The following DNAJC6 variants were observed in gnomAD, a reference collection of about 807,000 sequenced individuals.
The protein encoded by DNAJC6 is DnaJ heat shock protein family (Hsp40) member C6.
Under a neutral mutation model 110.0 loss-of-function variants are expected in DNAJC6, and 34 were observed. The observed-to-expected ratio is 0.31, with a 90% CI of 0.24 to 0.41. DNAJC6 has a LOEUF of 0.41. Ranked by LOEUF, DNAJC6 falls within the 10% of genes least tolerant of loss-of-function variation. The pLI is 1.00. For missense variants in DNAJC6, 1,031 were observed against 1,207.8 expected (o/e 0.85, Z 2.17); for synonymous variants, 406 against 437.2 (o/e 0.93, Z 0.89).
At chr1:65,312,024 A>G (rs1421675915) in intron 1 of DNAJC6, among the ~76,000 whole-genome samples, 2 of 152,212 alleles carry the variant, frequency 1.3e-5, no homozygotes, top group Non-Finnish European at 2.9e-5. Context: ...TTTTCACTAA[A>G]TCAGACTTTT....
intron 8 of DNAJC6, 117 bp from the exon 9 acceptor site, chr1:65,388,219 A>G: frequency 1.1e-6 from 1 of 878,026 alleles, no homozygotes; most frequent in Non-Finnish European, 1.9e-6. Context: ...TATCCATAGT[A>G]AACACAAATT....
At chr1:65,336,720 A>G (rs1215200692) in intron 1 of DNAJC6, among the ~76,000 whole-genome samples, 1 of 152,114 alleles carries the variant, frequency 6.6e-6, no homozygotes, top group Non-Finnish European at 1.5e-5. Flanking sequence ...TACAGGGGAG[A>G]CTGAGGCTTG....
rs146564543 is a variant in DNAJC6 at position 65,283,969 on chromosome 1, A to G, written c.-131+19037A>G. Among the ~76,000 whole-genome samples, 75 of 152,166 alleles carry G rather than the reference A, an allele frequency of 4.9e-4. No individual in the cohort carries two copies. The East Asian group carries it at 0.014, about 28-fold the overall frequency. Reference sequence around the variant, plus strand: ...GTCTGTGATTTCCATAGGCCTCTATACTTCTGACCTCCTCCTACCTCCATG... The same window carrying G: ...GTCTGTGATTTCCATAGGCCTCTATGCTTCTGACCTCCTCCTACCTCCATG... On this transcript the variant is annotated intron_variant, in intron 1 of 19. Coordinates refer to the DNAJC6 transcript ENST00000263441.
intron 1 of DNAJC6, among the ~76,000 whole-genome samples, chr1:65,353,067 C>T (rs528420808): frequency 6.6e-6 from 1 of 152,232 alleles, no homozygotes; most frequent in Admixed American, 6.5e-5. Flanking sequence ...CTATCATAGA[C>T]AAGGTCAGAT....
intron 18 of DNAJC6, 51 bp from the exon 19 acceptor site, chr1:65,412,873 A>G (rs1646141201): frequency 7.0e-7 from 1 of 1,435,484 alleles, no homozygotes; most frequent in Admixed American, 2.0e-5. Context: ...ATTTAATATT[A>G]ATGAAATTTT....
At chr1:65,408,544 T>C in intron 16 of DNAJC6, 97 bp from the exon 17 acceptor site, 1 of 1,428,444 alleles carries the variant, frequency 7.0e-7, no homozygotes. Context: ...TGAATGCATA[T>C]TAAAAACACC....
chr1:65,381,044 G>A (rs915786948), intron 5 of DNAJC6, among the ~76,000 whole-genome samples: 10 of 146,102 alleles, frequency 6.8e-5, no homozygotes, highest in East Asian at 6.7e-4. Flanking sequence ...TCAGCCTCCC[G>A]AGTAGCTGGG....
At chr1:65,282,873 A>G (rs761965185) in intron 1 of DNAJC6, among the ~76,000 whole-genome samples, 1 of 152,210 alleles carries the variant, frequency 6.6e-6, no homozygotes, top group Non-Finnish European at 1.5e-5. Flanking sequence ...TCTTGTCACA[A>G]TTATACCTCC....
chr1:65,396,113 A>G (rs1645974399), intron 13 of DNAJC6, among the ~76,000 whole-genome samples: 1 of 152,190 alleles, frequency 6.6e-6, no homozygotes. Flanking sequence ...GATTCCAGGA[A>G]CAACTTTTGT....
intron 1 of DNAJC6, among the ~76,000 whole-genome samples, chr1:65,358,459 T>C (rs1345316417): frequency 6.6e-6 from 1 of 152,174 alleles, no homozygotes; most frequent in East Asian, 1.9e-4. Flanking sequence ...GCAATGGTAT[T>C]GCCTTCATAG....
intron 2 of DNAJC6, among the ~76,000 whole-genome samples, chr1:65,365,123 T>A (rs1645633808): frequency 1.3e-5 from 2 of 152,172 alleles, no homozygotes; most frequent in African/African-American, 2.4e-5. Flanking sequence ...TTTTATACCC[T>A]GACAGGATTT....
intron 7 of DNAJC6, among the ~76,000 whole-genome samples, 158 bp downstream of exon 7, chr1:65,386,064 A>G (rs1297777182): frequency 6.6e-6 from 1 of 152,246 alleles, no homozygotes; most frequent in East Asian, 1.9e-4. Flanking sequence ...AGAAAAGTAC[A>G]AGTAAATCAG....
In DNAJC6 at chr1:65,381,373, C is replaced by A. The variant is rs558112240; in HGVS notation, c.666+1849C>A. On this transcript the variant is annotated intron_variant, in intron 5 of 18. Coordinates refer to ENST00000371069, the MANE Select transcript of DNAJC6 (RefSeq NM_001256864.2). ...GACCAGCCTGGCCAACATGGTGAAACCCCATCTCTACCAAAAATGTAAAAA... is the reference window on the plus strand; with the variant it reads ...GACCAGCCTGGCCAACATGGTGAAAACCCATCTCTACCAAAAATGTAAAAA... Among the ~76,000 whole-genome samples, 369 of 151,942 alleles carry A rather than the reference C, an allele frequency of 2.4e-3. 5 individuals carry two copies. In the South Asian group the frequency reaches 0.032, roughly 13 times the overall value.
At chr1:65,327,980 G>A (rs577992689) in intron 1 of DNAJC6, among the ~76,000 whole-genome samples, 2 of 152,258 alleles carry the variant, frequency 1.3e-5, no homozygotes, top group African/African-American at 2.4e-5. Flanking sequence ...CTCTCAAAGT[G>A]TTGGGATTAG....
intron 7 of DNAJC6, 25 bp from the exon 8 acceptor site, chr1:65,386,787 T>G: frequency 6.3e-7 from 1 of 1,575,872 alleles, no homozygotes; most frequent in South Asian, 1.1e-5. Flanking sequence ...TCTCTTTCAA[T>G]GTATATTTTG....
chr1:65,359,788 A>G (rs1015007899), intron 1 of DNAJC6, among the ~76,000 whole-genome samples: 1 of 152,234 alleles, frequency 6.6e-6, no homozygotes, highest in Non-Finnish European at 1.5e-5. Context: ...CTGTGGCACT[A>G]CTATTTTAAC....
chr1:65,403,296 A>G (rs1646046330), intron 15 of DNAJC6, among the ~76,000 whole-genome samples: 2 of 152,350 alleles, frequency 1.3e-5, no homozygotes, highest in South Asian at 2.1e-4. Flanking sequence ...CAACAGGTTA[A>G]GTAACATGCA....
intron 1 of DNAJC6, among the ~76,000 whole-genome samples, chr1:65,288,037 T>C (rs777154691): frequency 7.8e-4 from 118 of 152,218 alleles, no homozygotes; most frequent in Non-Finnish European, 1.4e-3. Flanking sequence ...CTCTGCCTGG[T>C]GTTCCCCTGT....
At chr1:65,359,193 C>CTTTTG (rs1557540404) in intron 1 of DNAJC6, among the ~76,000 whole-genome samples, 1 of 152,038 alleles carries the variant, frequency 6.6e-6, no homozygotes, top group African/African-American at 2.4e-5. Context: ...GAATGAAGCT[C>CTTTTG]GATACAAATA....
Sources: gnomAD v4.1 joint callset for allele counts (sites outside exome capture counted in the v4.1 genomes callset) on GRCh38, gnomAD v4.1.1 for gene constraint, MANE v1.5 for transcripts, NCBI Gene and HGNC (gene_info 2026-07-23, HGNC 2026-07-21) for gene names.